CNTNAP2: variants seen among roughly 807,000 people sequenced by gnomAD.
CNTNAP2 encodes contactin associated protein 2.
Under a neutral mutation model 155.2 loss-of-function variants are expected in CNTNAP2, and 98 were observed. That is an observed-to-expected ratio of 0.63 (90% CI 0.54 to 0.75). The LOEUF (loss-of-function observed/expected upper bound fraction) is 0.75. Among genes scored for constraint, CNTNAP2 ranks in the 30% least tolerant of loss-of-function variants. The probability of loss-of-function intolerance (pLI) is 0.00; values close to 1 mark genes in which losing one functional copy is unlikely to be tolerated. For synonymous variants in CNTNAP2, 651 were observed against 631.2 expected (o/e 1.03, Z -0.47); for missense variants, 1,727 against 1,688.1 (o/e 1.02, Z -0.40).
At chr7:147,200,325 T>C (rs1171091307) in intron 8 of CNTNAP2, among the ~76,000 whole-genome samples, 1 of 152,106 alleles carries the variant, frequency 6.6e-6, no homozygotes. Flanking sequence ...GCTCCACGGA[T>C]GCTGGCAGAA....
At chr7:146,202,212 C>A (rs1339152248) in intron 1 of CNTNAP2, among the ~76,000 whole-genome samples, 2 of 152,070 alleles carry the variant, frequency 1.3e-5, no homozygotes, top group Admixed American at 6.6e-5. Context: ...ATTTTCATGC[C>A]ACATAGCTAC....
intron 13 of CNTNAP2, among the ~76,000 whole-genome samples, chr7:147,705,813 T>C (rs1796305218): frequency 6.6e-6 from 1 of 152,160 alleles, no homozygotes; most frequent in Admixed American, 6.6e-5. Context: ...TGATCTTTCT[T>C]GCTTCTGTTT....
At chr7:146,340,168 CAAAAAAA>C (rs1195946572) in intron 1 of CNTNAP2, among the ~76,000 whole-genome samples, 2 of 54,898 alleles carry the variant, frequency 3.6e-5, no homozygotes, top group South Asian at 8.0e-4. Flanking sequence ...GACTCCGCCT[CAAAAAAA>C]AAAAAAAAAA....
At chr7:147,260,120 C>G (rs548810404) in intron 8 of CNTNAP2, among the ~76,000 whole-genome samples, 19 of 152,192 alleles carry the variant, frequency 1.2e-4, no homozygotes, top group Non-Finnish European at 2.6e-4. Context: ...CGAAGGCAAA[C>G]TAAACCTTGA....
chr7:148,219,020 G>T (rs767866504), intron 19 of CNTNAP2, among the ~76,000 whole-genome samples: 7 of 132,028 alleles, frequency 5.3e-5, no homozygotes, highest in Non-Finnish European at 7.6e-5. Context: ...TCGGCTCACT[G>T]CAACCTCCGC....
chr7:147,355,689 A>C (rs962440476), intron 9 of CNTNAP2, among the ~76,000 whole-genome samples: 1 of 152,166 alleles, frequency 6.6e-6, no homozygotes, highest in Non-Finnish European at 1.5e-5. Context: ...AAAATCTAGA[A>C]GAAATGGATA....
chr7:147,033,439 C>T (rs192252087), intron 3 of CNTNAP2, among the ~76,000 whole-genome samples: 346 of 151,788 alleles, frequency 2.3e-3, no homozygotes, highest in Non-Finnish European at 3.8e-3. Flanking sequence ...CATCCCCCTA[C>T]AACTAGGAAA....
At chr7:147,501,702 A>G (rs1584774711) in intron 11 of CNTNAP2, among the ~76,000 whole-genome samples, 2 of 152,208 alleles carry the variant, frequency 1.3e-5, no homozygotes, top group East Asian at 3.8e-4. Context: ...TGGCTAGGTT[A>G]AGCTATGATG....
At chr7:147,376,910 T>C (rs1054149696) in intron 9 of CNTNAP2, among the ~76,000 whole-genome samples, 7 of 152,140 alleles carry the variant, frequency 4.6e-5, no homozygotes, top group Non-Finnish European at 7.4e-5. Flanking sequence ...GTAACCATAC[T>C]AATTTTCTTT....
chr7:147,178,468 A>G (rs1339422894), intron 8 of CNTNAP2, among the ~76,000 whole-genome samples: 2 of 152,074 alleles, frequency 1.3e-5, no homozygotes, highest in African/African-American at 2.4e-5. Context: ...CTTTTGCTGG[A>G]CCTCTGACCT....
intron 8 of CNTNAP2, among the ~76,000 whole-genome samples, chr7:147,194,782 G>A (rs926947194): frequency 6.6e-6 from 1 of 152,034 alleles, no homozygotes; most frequent in Admixed American, 6.6e-5. Flanking sequence ...GTTTTTTCTG[G>A]TAAATTTGTT....
intron 12 of CNTNAP2, among the ~76,000 whole-genome samples, chr7:147,608,900 C>T (rs1369838388): frequency 6.6e-6 from 1 of 151,832 alleles, no homozygotes; most frequent in Non-Finnish European, 1.5e-5. Flanking sequence ...CTCTGGCAGG[C>T]AGGGGCGGGG....
intron 1 of CNTNAP2, among the ~76,000 whole-genome samples, chr7:146,213,195 T>A (rs1799062157): frequency 6.6e-6 from 1 of 152,212 alleles, no homozygotes; most frequent in African/African-American, 2.4e-5. Flanking sequence ...TTTTAAAAAG[T>A]GAAATTTCAA....
At chr7:146,943,873 G>A (rs969341336) in intron 3 of CNTNAP2, among the ~76,000 whole-genome samples, 6 of 152,238 alleles carry the variant, frequency 3.9e-5, no homozygotes, top group South Asian at 2.1e-4. Flanking sequence ...AAGATGATTA[G>A]CATAACACAG....
chr7:148,070,483 G>A (rs978964987), intron 15 of CNTNAP2, among the ~76,000 whole-genome samples: 13 of 152,224 alleles, frequency 8.5e-5, no homozygotes, highest in East Asian at 3.9e-4. Context: ...TCGGGAGGCC[G>A]AGGCAGGTGG....
rs555175337 is a variant in CNTNAP2 at position 146,171,542 on chromosome 7, T to C, written c.97+54569T>C. Among the ~76,000 whole-genome samples the C allele has an allele frequency of 5.8e-4, 89 of 152,278 alleles. 1 individual carries two copies. Among genetic ancestry groups the C allele is most frequent in the African/African-American group, 1.9e-3 (80 of 41,570 alleles). On this transcript the variant is annotated intron_variant, in intron 1 of 23. Transcript: ENST00000361727. ...AGGTTCAAGGTTTGTTTTAATCAAC[T>C]CAAGTAATATTTTCTGGAAAGCTAT...
At chr7:147,351,506 T>G (rs2116878870) in intron 9 of CNTNAP2, among the ~76,000 whole-genome samples, 1 of 151,998 alleles carries the variant, frequency 6.6e-6, no homozygotes, top group African/African-American at 2.4e-5. Context: ...TAAATTATTC[T>G]TAAACAGTTA....
chr7:146,273,086 AAGAG>A (rs58582637), intron 1 of CNTNAP2, among the ~76,000 whole-genome samples: 2,103 of 138,028 alleles, frequency 0.015, 15 homozygotes, highest in Middle Eastern at 0.044. Flanking sequence ...GAGAAAGAGA[AAGAG>A]AGAGAGAGAG....
At chr7:147,457,835 G>T (rs1797947555) in intron 10 of CNTNAP2, among the ~76,000 whole-genome samples, 1 of 65,464 alleles carries the variant, frequency 1.5e-5, no homozygotes, top group Admixed American at 1.6e-4. Context: ...TATTTTCAAT[G>T]AATCAACAAA....
Sources: gnomAD v4.1 joint callset for allele counts (sites outside exome capture counted in the v4.1 genomes callset) on GRCh38, gnomAD v4.1.1 for gene constraint, MANE v1.5 for transcripts, NCBI Gene and HGNC (gene_info 2026-07-23, HGNC 2026-07-21) for gene names.